Variants in HTR1E observed in about 807,000 individuals in gnomAD.
HTR1E encodes the protein 5-hydroxytryptamine receptor 1E, also known as 5-HT-1E.
Under a neutral mutation model 3.4 loss-of-function variants are expected in HTR1E, and 3 were observed. The ratio of observed to expected loss-of-function variants is 0.89; its 90% confidence interval spans 0.41 to 2.31. The LOEUF (loss-of-function observed/expected upper bound fraction) is 2.31, where lower values mean the gene tolerates loss of function less well. Ranked by LOEUF, HTR1E falls within the 30% of genes most tolerant of loss-of-function variation. HTR1E has a pLI of 0.05. For synonymous variants in HTR1E, 170 were observed against 182.8 expected (o/e 0.93, Z 0.56); for missense variants, 392 against 467.0 (o/e 0.84, Z 1.48).
chr6:86,965,120 G>A (rs964523103), intron 1 of HTR1E, among the ~76,000 whole-genome samples: 1 of 152,114 alleles, frequency 6.6e-6, no homozygotes, highest in African/African-American at 2.4e-5. Flanking sequence ...TGACTTGAGG[G>A]ACTCAGCATC....
At chr6:86,979,127 A>G (rs974452775) in intron 1 of HTR1E, among the ~76,000 whole-genome samples, 1 of 152,224 alleles carries the variant, frequency 6.6e-6, no homozygotes, top group Non-Finnish European at 1.5e-5. Flanking sequence ...CAGATGGCTT[A>G]ATTTGTACAG....
At chr6:86,951,086 T>G (rs765694682) in intron 1 of HTR1E, among the ~76,000 whole-genome samples, 1 of 152,178 alleles carries the variant, frequency 6.6e-6, no homozygotes, top group Non-Finnish European at 1.5e-5. Flanking sequence ...ATAATATTAT[T>G]GACATTCTTT....
chr6:86,965,573 C>A (rs1268845843), intron 1 of HTR1E, among the ~76,000 whole-genome samples: 1 of 152,036 alleles, frequency 6.6e-6, no homozygotes, highest in Non-Finnish European at 1.5e-5. Context: ...GGCTGAAGAC[C>A]ACTATCTTTG....
At chr6:86,966,782 T>C (rs1455118877) in intron 1 of HTR1E, among the ~76,000 whole-genome samples, 2 of 152,186 alleles carry the variant, frequency 1.3e-5, no homozygotes, top group African/African-American at 4.8e-5. Context: ...ATAACCAACA[T>C]ATCTGAAGGC....
At chr6:87,004,232 G>A (rs1768070720) in intron 1 of HTR1E, among the ~76,000 whole-genome samples, 1 of 152,052 alleles carries the variant, frequency 6.6e-6, no homozygotes, top group Non-Finnish European at 1.5e-5. Context: ...TATAGAGGAG[G>A]AGGAAATACT....
intron 1 of HTR1E, among the ~76,000 whole-genome samples, chr6:87,003,253 T>A (rs570386202): frequency 2.0e-5 from 3 of 152,108 alleles, no homozygotes; most frequent in African/African-American, 7.2e-5. Flanking sequence ...AGAAGGAAAT[T>A]GAGGCCAGGC....
At chr6:86,985,408 G>A (rs1452543425) in intron 1 of HTR1E, among the ~76,000 whole-genome samples, 1 of 152,126 alleles carries the variant, frequency 6.6e-6, no homozygotes, top group Admixed American at 6.6e-5. Context: ...TTAATTATGT[G>A]TATAGGGAAC....
At chr6:86,960,678 C>A (rs1767392946) in intron 1 of HTR1E, among the ~76,000 whole-genome samples, 1 of 152,124 alleles carries the variant, frequency 6.6e-6, no homozygotes, top group Non-Finnish European at 1.5e-5. Context: ...GCACGGAGAA[C>A]CTGAATTCTA....
intron 1 of HTR1E, among the ~76,000 whole-genome samples, chr6:86,939,197 CCT>C (rs1768512028): frequency 6.6e-6 from 1 of 152,262 alleles, no homozygotes; most frequent in East Asian, 1.9e-4. Flanking sequence ...AATATGCCTG[CCT>C]CTGTTTTTCC....
chr6:86,999,244 G>A (rs1382699656), intron 1 of HTR1E, among the ~76,000 whole-genome samples: 2 of 152,116 alleles, frequency 1.3e-5, no homozygotes, highest in Non-Finnish European at 1.5e-5. Flanking sequence ...TTACAGGCAT[G>A]AGCCACCATG....
At chr6:86,980,703 C>T (rs931807223) in intron 1 of HTR1E, among the ~76,000 whole-genome samples, 1 of 152,026 alleles carries the variant, frequency 6.6e-6, no homozygotes, top group East Asian at 1.9e-4. Flanking sequence ...CTAATTTTTC[C>T]CCTCAGGCAA....
chr6:87,006,011 A>T (rs937590155), intron 1 of HTR1E, among the ~76,000 whole-genome samples: 1 of 152,240 alleles, frequency 6.6e-6, no homozygotes, highest in Non-Finnish European at 1.5e-5. Context: ...GATAAGTGCA[A>T]ATCAAAACTA....
intron 1 of HTR1E, among the ~76,000 whole-genome samples, chr6:86,988,319 A>C (rs145319382): frequency 6.6e-6 from 1 of 152,148 alleles, no homozygotes; most frequent in Non-Finnish European, 1.5e-5. Flanking sequence ...TGAAAATCTG[A>C]GATTTTACCC....
At chr6:86,971,173 C>T in intron 1 of HTR1E, 1 of 480,512 alleles carries the variant, frequency 2.1e-6, no homozygotes, top group South Asian at 1.6e-5. Flanking sequence ...ATCAACAGGC[C>T]TATTATGGGA....
chr6:86,950,649 T>A (rs1326283657), intron 1 of HTR1E, among the ~76,000 whole-genome samples: 1 of 152,220 alleles, frequency 6.6e-6, no homozygotes, highest in Non-Finnish European at 1.5e-5. Flanking sequence ...ACCTGCCACA[T>A]AATAAGCACT....
chr6:86,971,982 A>G (rs1767563511), intron 1 of HTR1E, among the ~76,000 whole-genome samples: 1 of 152,180 alleles, frequency 6.6e-6, no homozygotes, highest in African/African-American at 2.4e-5. Flanking sequence ...CAGATAACCC[A>G]CAAGCAGATA....
chr6:86,958,666 T>C (rs1054238322), intron 1 of HTR1E, among the ~76,000 whole-genome samples: 1 of 152,214 alleles, frequency 6.6e-6, no homozygotes, highest in African/African-American at 2.4e-5. Context: ...CTTGTGCCAT[T>C]ATTGTCTGCT....
chr6:86,957,237 C>G (rs574576921), intron 1 of HTR1E, among the ~76,000 whole-genome samples: 110 of 152,330 alleles, frequency 7.2e-4, no homozygotes, highest in African/African-American at 2.6e-3. Flanking sequence ...TTTTCAAAAA[C>G]AATAAGCAGT....
intron 1 of HTR1E, among the ~76,000 whole-genome samples, chr6:87,014,604 C>T (rs111661326): frequency 0.011 from 1,710 of 152,318 alleles, 33 homozygotes; most frequent in African/African-American, 0.039. Flanking sequence ...GGCACATATA[C>T]ATCATGGAAT....
Sources: allele counts gnomAD v4.1 joint callset (sites outside exome capture counted in the v4.1 genomes callset), GRCh38; gene constraint gnomAD v4.1.1; transcripts MANE v1.5; gene names NCBI Gene and HGNC (gene_info 2026-07-23, HGNC 2026-07-21).